Variants in TMTC4 observed in about 807,000 individuals in gnomAD.
The protein encoded by TMTC4 is transmembrane O-mannosyltransferase targeting cadherins 4, also known as protein O-mannosyl-transferase TMTC4.
TMTC4 carries 65 observed loss-of-function variants against 86.0 expected under a neutral mutation model. The ratio of observed to expected loss-of-function variants is 0.76; its 90% CI spans 0.62 to 0.93. TMTC4 has a LOEUF of 0.93. Ranked by LOEUF, TMTC4 falls within the 40% of genes least tolerant of loss-of-function variation. The probability of loss-of-function intolerance (pLI) is 0.00; values close to 1 mark genes in which losing one functional copy is unlikely to be tolerated. For missense variants in TMTC4, 866 were observed against 948.1 expected (o/e 0.91, Z 1.14); for synonymous variants, 379 against 382.5 (o/e 0.99, Z 0.11).
At chr13:100,668,839 G>C in intron 2 of TMTC4, 45 bp from the exon 3 acceptor site, 1 of 1,592,636 alleles carries the variant, frequency 6.3e-7, no homozygotes, top group African/African-American at 1.3e-5. Flanking sequence ...AACACTGGTA[G>C]GACCGTTTCT....
intron 1 of TMTC4, chr13:100,674,179 G>C (rs1234950898): frequency 2.1e-6 from 2 of 972,040 alleles, no homozygotes; most frequent in Non-Finnish European, 2.4e-6. Flanking sequence ...CGGGCGCCCG[G>C]GCCGGTGGCC....
At chr13:100,666,242 A>G in intron 3 of TMTC4, 1 of 337,724 alleles carries the variant, frequency 3.0e-6, no homozygotes, top group East Asian at 7.9e-5. Flanking sequence ...CCACACTGCA[A>G]GGAAGCATCT....
At chr13:100,639,858 T>C (rs1440720508) in intron 7 of TMTC4, among the ~76,000 whole-genome samples, 1 of 152,092 alleles carries the variant, frequency 6.6e-6, no homozygotes, top group Non-Finnish European at 1.5e-5. Context: ...GAGAATTGCT[T>C]GAACCTGGGA....
At chr13:100,621,353 C>G (rs1299036839) in intron 15 of TMTC4, among the ~76,000 whole-genome samples, 1 of 152,068 alleles carries the variant, frequency 6.6e-6, no homozygotes, top group Non-Finnish European at 1.5e-5. Flanking sequence ...GACCCACTCA[C>G]TTTGTGAGCA....
At chr13:100,613,042 T>G in intron 16 of TMTC4, among the ~76,000 whole-genome samples, 1 of 152,220 alleles carries the variant, frequency 6.6e-6, no homozygotes, top group East Asian at 1.9e-4. Context: ...CAATGTGTAG[T>G]GATCAAATTA....
chr13:100,603,960 A>G lies in TMTC4; in HGVS notation c.*1034T>C, dbSNP rs1473210265. 2.0e-5 allele frequency: 3 copies of G among 152,692 alleles called. No individual in the cohort carries two copies. Among genetic ancestry groups the G allele is most frequent in the South Asian group, 2.1e-4 (1 of 4,832 alleles). The allele number at this position is 152,692 out of a possible 1,614,324, so 9.5% of individuals were successfully genotyped here. ...CTAGTTTGTGTAGTAATTTTACTGCATAAGAAATTACAGAGATTGCATAAA... is the reference window on the plus strand; with the variant it reads ...CTAGTTTGTGTAGTAATTTTACTGCGTAAGAAATTACAGAGATTGCATAAA... On this transcript the variant is annotated 3_prime_UTR_variant, in exon 19 of 19. Transcript: ENST00000342624.
intron 6 of TMTC4, among the ~76,000 whole-genome samples, chr13:100,655,045 G>C (rs187796209): frequency 7.4e-6 from 1 of 134,368 alleles, no homozygotes; most frequent in Non-Finnish European, 1.6e-5. Flanking sequence ...TTTGTGAGAC[G>C]GAGTGTCACT....
chr13:100,670,330 G>A (rs1337520592), intron 2 of TMTC4, 30 bp downstream of exon 2: 5 of 1,606,554 alleles, frequency 3.1e-6, no homozygotes, highest in Non-Finnish European at 4.2e-6. Flanking sequence ...AGTGAAGATG[G>A]AGACAGATCC....
intron 5 of TMTC4, among the ~76,000 whole-genome samples, chr13:100,660,330 CAA>C (rs56177115): frequency 1.5e-5 from 2 of 131,142 alleles, no homozygotes; most frequent in Admixed American, 7.5e-5. Flanking sequence ...GACTGTGTAT[CAA>C]AAAAAAAAAA....
chr13:100,647,273 G>C (rs556997950), intron 6 of TMTC4, among the ~76,000 whole-genome samples: 5 of 152,306 alleles, frequency 3.3e-5, no homozygotes, highest in South Asian at 2.1e-4. Flanking sequence ...GAGATAAACA[G>C]AGCAAGAGAC....
chr13:100,639,566 T>C (rs1302195214), intron 7 of TMTC4, among the ~76,000 whole-genome samples: 2 of 152,218 alleles, frequency 1.3e-5, no homozygotes, highest in African/African-American at 4.8e-5. Context: ...CCCATTTTAA[T>C]CCAATTTTTG....
chr13:100,621,075 C>A (rs74118109), intron 15 of TMTC4, among the ~76,000 whole-genome samples: 2,871 of 152,196 alleles, frequency 0.019, 76 homozygotes, highest in African/African-American at 0.057. Context: ...CAATATAAAC[C>A]AAAAGCAGTA....
intron 3 of TMTC4, among the ~76,000 whole-genome samples, chr13:100,665,294 C>A (rs1392145652): frequency 6.6e-6 from 1 of 152,226 alleles, no homozygotes; most frequent in Non-Finnish European, 1.5e-5. Flanking sequence ...TTAACTTTCT[C>A]TTTAGAGCAT....
chr13:100,647,332 A>G (rs1883885085), intron 6 of TMTC4, among the ~76,000 whole-genome samples: 1 of 152,214 alleles, frequency 6.6e-6, no homozygotes, highest in South Asian at 2.1e-4. Flanking sequence ...AGATGGTGCC[A>G]TGGCCGGGCT....
At chr13:100,612,654 TACACACAC>T (rs60782137) in intron 16 of TMTC4, 144 bp from the exon 17 acceptor site, 20,581 of 444,308 alleles carry the variant, frequency 0.046, 60 homozygotes, top group South Asian at 0.055. Context: ...GATCATGTAA[TACACACAC>T]ACACACACAC....
chr13:100,618,447 GCTTC>G (rs1878862881), intron 15 of TMTC4, among the ~76,000 whole-genome samples: 1 of 110,350 alleles, frequency 9.1e-6, no homozygotes, highest in Non-Finnish European at 2.0e-5. Context: ...GATTTTTGTT[GCTTC>G]TTGTTTTTTT....
chr13:100,618,447 G>C (rs1175541985), intron 15 of TMTC4, among the ~76,000 whole-genome samples: 1 of 110,348 alleles, frequency 9.1e-6, no homozygotes, highest in Non-Finnish European at 2.0e-5. Flanking sequence ...GATTTTTGTT[G>C]CTTCTTGTTT....
chr13:100,670,014 G>A (rs926457712), intron 2 of TMTC4, among the ~76,000 whole-genome samples: 18 of 152,282 alleles, frequency 1.2e-4, no homozygotes, highest in African/African-American at 2.9e-4. Flanking sequence ...GCTCAGGGGA[G>A]GCCGGCTACT....
chr13:100,647,857 G>A (rs1046552374), intron 6 of TMTC4, among the ~76,000 whole-genome samples: 6 of 152,124 alleles, frequency 3.9e-5, no homozygotes, highest in African/African-American at 1.2e-4. Flanking sequence ...AGACTTAATT[G>A]AAAACAGAAA....
Sources: gnomAD v4.1 joint callset for allele counts (sites outside exome capture counted in the v4.1 genomes callset) on GRCh38, gnomAD v4.1.1 for gene constraint, MANE v1.5 for transcripts, NCBI Gene and HGNC (gene_info 2026-07-23, HGNC 2026-07-21) for gene names.